The following CDH8 variants were observed in gnomAD, a reference collection of about 807,000 sequenced individuals.
CDH8 encodes the protein cadherin-8.
In CDH8, 17 loss-of-function variants were observed where a neutral mutation model predicts 68.1. That is an observed-to-expected ratio of 0.25 (90% CI 0.17 to 0.37). The LOEUF (loss-of-function observed/expected upper bound fraction) is 0.37. Among genes scored for constraint, CDH8 ranks in the 10% least tolerant of loss-of-function variants. CDH8 has a pLI of 1.00. For missense variants in CDH8, 763 were observed against 999.3 expected, an observed-to-expected ratio of 0.76 and a Z score of 3.19; for synonymous variants, 372 against 365.1, an observed-to-expected ratio of 1.02 and a Z score of -0.21.
intron 10 of CDH8, among the ~76,000 whole-genome samples, chr16:61,702,029 G>T (rs903594992): frequency 6.6e-6 from 1 of 152,070 alleles, no homozygotes; most frequent in African/African-American, 2.4e-5. Flanking sequence ...GTTGAGTCAG[G>T]ACTATTAGCC....
intron 2 of CDH8, among the ~76,000 whole-genome samples, chr16:61,967,821 C>T (rs1047171159): frequency 3.3e-5 from 5 of 151,912 alleles, no homozygotes; most frequent in African/African-American, 7.2e-5. Flanking sequence ...TTATTTATTT[C>T]GTTTGAGACG....
chr16:61,935,542 TTACA>T (rs1964614303), intron 2 of CDH8, among the ~76,000 whole-genome samples: 3 of 152,134 alleles, frequency 2.0e-5, no homozygotes, highest in Admixed American at 6.5e-5. Context: ...GAGCTGACAC[TTACA>T]TACCTTTTAT....
intron 2 of CDH8, among the ~76,000 whole-genome samples, chr16:61,991,060 A>C (rs1398673147): frequency 6.6e-6 from 1 of 152,156 alleles, no homozygotes; most frequent in Non-Finnish European, 1.5e-5. Context: ...ACATTAGTTG[A>C]ATATTAAAGA....
At chr16:61,867,248 T>C (rs1963273846) in intron 3 of CDH8, among the ~76,000 whole-genome samples, 1 of 152,208 alleles carries the variant, frequency 6.6e-6, no homozygotes, top group African/African-American at 2.4e-5. Context: ...ATAGCTAAAA[T>C]GGAAGTAAAT....
intron 1 of CDH8, among the ~76,000 whole-genome samples, chr16:62,034,004 G>A (rs1403001503): frequency 6.6e-6 from 1 of 152,128 alleles, no homozygotes; most frequent in East Asian, 1.9e-4. Flanking sequence ...AAGGGGGATA[G>A]CTCTAGAATT....
chr16:61,725,057 T>G (rs1403947853), intron 9 of CDH8: 9 of 150,872 alleles, frequency 6.0e-5, no homozygotes, highest in Non-Finnish European at 1.3e-4. Context: ...GATATGATCC[T>G]TTCATGTAAC....
At chr16:61,739,541 T>C (rs1045595917) in intron 8 of CDH8, among the ~76,000 whole-genome samples, 2 of 151,944 alleles carry the variant, frequency 1.3e-5, no homozygotes, top group African/African-American at 4.8e-5. Flanking sequence ...ATATGTAATA[T>C]ATAACATAGC....
At chr16:61,682,543 A>C (rs545266757) in intron 10 of CDH8, among the ~76,000 whole-genome samples, 1 of 151,946 alleles carries the variant, frequency 6.6e-6, no homozygotes, top group Non-Finnish European at 1.5e-5. Flanking sequence ...TTTAAAAATT[A>C]TTAGTATTCC....
chr16:61,982,012 G>A (rs1271008322), intron 2 of CDH8, among the ~76,000 whole-genome samples: 1 of 151,660 alleles, frequency 6.6e-6, no homozygotes, highest in Non-Finnish European at 1.5e-5. Context: ...ATTTTTATTT[G>A]TATTGTCGTT....
At chr16:61,688,648 G>C (rs1241251464) in intron 10 of CDH8, among the ~76,000 whole-genome samples, 2 of 151,892 alleles carry the variant, frequency 1.3e-5, no homozygotes, top group African/African-American at 4.8e-5. Flanking sequence ...TCCCAGTGGG[G>C]ATATGAAGAT....
intron 1 of CDH8, among the ~76,000 whole-genome samples, chr16:62,025,969 A>G (rs796458369): frequency 1.1e-4 from 16 of 152,258 alleles, no homozygotes; most frequent in African/African-American, 3.4e-4. Flanking sequence ...GTAATGTTTC[A>G]TTTTTACTAA....
chr16:61,798,736 G>A, intron 7 of CDH8, among the ~76,000 whole-genome samples: 1 of 152,126 alleles, frequency 6.6e-6, no homozygotes. Flanking sequence ...GTGATTATTT[G>A]AACATGGAAA....
intron 4 of CDH8, among the ~76,000 whole-genome samples, chr16:61,832,498 T>C (rs1962482463): frequency 6.6e-6 from 1 of 151,796 alleles, no homozygotes; most frequent in Non-Finnish European, 1.5e-5. Flanking sequence ...TCTAAAAATA[T>C]AACAACCCAT....
chr16:61,727,226 G>GA lies in CDH8; in HGVS notation c.1415-12dup, dbSNP rs776261356. ...TCTGACTGTGGTTCCCTATGGGAAGGAAAAAATAACATCAGCATTGAGGGT... is the reference window on the plus strand; with the variant it reads ...TCTGACTGTGGTTCCCTATGGGAAGGAAAAAAATAACATCAGCATTGAGGGT... On this transcript the variant is annotated splice_polypyrimidine_tract_variant and intron_variant, in intron 8 of 11. Coordinates refer to ENST00000577390, the MANE Select transcript of CDH8 (RefSeq NM_001796.5). 33 of 1,592,464 alleles carry GA rather than the reference G, an allele frequency of 2.1e-5. No individual in the cohort carries two copies. Among genetic ancestry groups the GA allele is most frequent in the Non-Finnish European group, 2.7e-5 (31 of 1,167,948 alleles).
At chr16:61,896,412 T>C (rs1331704510) in intron 3 of CDH8, among the ~76,000 whole-genome samples, 1 of 152,234 alleles carries the variant, frequency 6.6e-6, no homozygotes, top group Non-Finnish European at 1.5e-5. Flanking sequence ...TATTCTTCAC[T>C]TTCTGCACAA....
At chr16:62,015,209 T>C (rs1567569389) in intron 2 of CDH8, among the ~76,000 whole-genome samples, 2 of 152,142 alleles carry the variant, frequency 1.3e-5, no homozygotes, top group African/African-American at 4.8e-5. Context: ...ATAGAAAATT[T>C]CCCTCAGGCT....
chr16:61,841,446 T>C (rs1477809115), intron 4 of CDH8, among the ~76,000 whole-genome samples: 2 of 152,170 alleles, frequency 1.3e-5, no homozygotes, highest in East Asian at 1.9e-4. Flanking sequence ...ACATCACATG[T>C]TCTCACTTAT....
At chr16:61,862,243 G>A (rs1963164507) in intron 3 of CDH8, among the ~76,000 whole-genome samples, 1 of 151,338 alleles carries the variant, frequency 6.6e-6, no homozygotes, top group Admixed American at 6.6e-5. Context: ...GTATAAAATT[G>A]CTCTGAGAGC....
intron 9 of CDH8, among the ~76,000 whole-genome samples, chr16:61,721,427 A>G (rs181801334): frequency 6.6e-6 from 1 of 150,932 alleles, no homozygotes; most frequent in East Asian, 2.0e-4. Context: ...TTATTTCATG[A>G]GTGTTATAAA....
Sources: gnomAD v4.1 joint callset for allele counts (sites outside exome capture counted in the v4.1 genomes callset) on GRCh38, gnomAD v4.1.1 for gene constraint, MANE v1.5 for transcripts, NCBI Gene and HGNC (gene_info 2026-07-23, HGNC 2026-07-21) for gene names.